Variants in PKM observed in about 807,000 individuals in gnomAD.
PKM encodes pyruvate kinase M1/2.
Under a neutral mutation model 49.8 loss-of-function variants are expected in PKM, and 18 were observed. That is an observed-to-expected ratio of 0.36 (90% CI 0.25 to 0.54). The LOEUF (loss-of-function observed/expected upper bound fraction) is 0.54. Ranked by LOEUF, PKM falls within the 20% of genes least tolerant of loss-of-function variation. PKM has a pLI of 0.89. For missense variants in PKM, 508 were observed against 713.8 expected (o/e 0.71, Z 3.28); for synonymous variants, 239 against 261.8 (o/e 0.91, Z 0.84).
intron 1 of PKM, 73 bp downstream of exon 1, chr15:72,231,043 C>T: frequency 2.0e-6 from 2 of 1,012,986 alleles, no homozygotes; most frequent in Non-Finnish European, 2.7e-6. Context: ...CCGGCCGGCG[C>T]GCCGGGATTC....
At chr15:72,223,825 C>T (rs920094372) in intron 1 of PKM, among the ~76,000 whole-genome samples, 4 of 151,774 alleles carry the variant, frequency 2.6e-5, no homozygotes, top group Admixed American at 2.6e-4. Flanking sequence ...ACTTTAACCC[C>T]AGGAGGCCCC....
chr15:72,230,704 G>C (rs1160218514), intron 1 of PKM, among the ~76,000 whole-genome samples: 3 of 152,144 alleles, frequency 2.0e-5, no homozygotes, highest in Non-Finnish European at 2.9e-5. Flanking sequence ...GGAAGGACCA[G>C]ACTTAAGGAG....
intron 1 of PKM, chr15:72,228,741 T>C (rs896017219): frequency 5.0e-6 from 3 of 599,692 alleles, no homozygotes; most frequent in Non-Finnish European, 8.0e-6. Flanking sequence ...GGGCAAATTA[T>C]TTGCTAACAA....
chr15:72,228,524 G>A (rs1258454395), intron 1 of PKM: 2 of 606,542 alleles, frequency 3.3e-6, no homozygotes, highest in Non-Finnish European at 5.5e-6. Context: ...CACTGAAAGG[G>A]GAGAAGGGAC....
chr15:72,222,113 A>G (rs565155873), intron 1 of PKM, among the ~76,000 whole-genome samples: 1 of 152,330 alleles, frequency 6.6e-6, no homozygotes, highest in Non-Finnish European at 1.5e-5. Context: ...GGCCTCAAAC[A>G]CAAACCCTAT....
chr15:72,208,577 C>A, intron 6 of PKM, 44 bp downstream of exon 6: 1 of 1,610,332 alleles, frequency 6.2e-7, no homozygotes, highest in Non-Finnish European at 8.5e-7. Context: ...CCATGCCCTT[C>A]GGAGAGCTGC....
chr15:72,207,903 C>T (rs2140649190), intron 6 of PKM, among the ~76,000 whole-genome samples: 1 of 152,360 alleles, frequency 6.6e-6, no homozygotes, highest in Non-Finnish European at 1.5e-5. Context: ...GCTCCCCCAC[C>T]CTCCCCAAAC....
intron 5 of PKM, among the ~76,000 whole-genome samples, chr15:72,209,301 A>T (rs1399140172): frequency 1.3e-5 from 2 of 151,112 alleles, no homozygotes; most frequent in Non-Finnish European, 3.0e-5. Context: ...CTCTGGAGGC[A>T]GAGGTTGCAG....
chr15:72,209,138 A>C (rs1445589586), intron 5 of PKM, among the ~76,000 whole-genome samples: 1 of 152,076 alleles, frequency 6.6e-6, no homozygotes, highest in Non-Finnish European at 1.5e-5. Flanking sequence ...AGGCCAAGGC[A>C]GGCAGATCAC....
intron 6 of PKM, among the ~76,000 whole-genome samples, chr15:72,207,771 G>T (rs2082124122): frequency 6.6e-6 from 1 of 152,236 alleles, no homozygotes; most frequent in South Asian, 2.1e-4. Context: ...CTGGCCTAGG[G>T]CCAAGTTCAG....
chr15:72,221,373 CA>C, intron 1 of PKM: 1 of 694,388 alleles, frequency 1.4e-6, no homozygotes. Context: ...ATCCAGGTGA[CA>C]GCTGCTCTAG....
chr15:72,206,397 T>C, intron 8 of PKM: 1 of 348,726 alleles, frequency 2.9e-6, no homozygotes, highest in Non-Finnish European at 5.4e-6. Flanking sequence ...AAGACCTCCT[T>C]TCACTGCAGA....
chr15:72,203,607 G>A (rs2082000185), intron 8 of PKM: 1 of 280,320 alleles, frequency 3.6e-6, no homozygotes, highest in South Asian at 3.7e-5. Context: ...GATTAGGCAG[G>A]CTCCTGCCCA....
At chr15:72,211,712 G>A (rs960567711) in intron 3 of PKM, among the ~76,000 whole-genome samples, 1 of 151,628 alleles carries the variant, frequency 6.6e-6, no homozygotes, top group African/African-American at 2.4e-5. Flanking sequence ...AGCTACTTGT[G>A]AGGCTGAGGT....
chr15:72,226,373 A>C (rs1189135109), intron 1 of PKM, among the ~76,000 whole-genome samples: 1 of 136,850 alleles, frequency 7.3e-6, no homozygotes, highest in African/African-American at 3.7e-5. Flanking sequence ...TAAAAAATAC[A>C]AAAAAAATCA....
Position 72,202,368 on chromosome 15 carries a change from A to G in PKM, c.1307+86T>C. On this transcript the variant is annotated intron_variant, in intron 9 of 10. Transcript: ENST00000335181. This position sits in a 1 kb window ranked among gnomAD's most constrained non-coding sequence, Gnocchi z 4.5. ...TCTTACCTTGGCTCAGTGCCACCTG[A>G]GCATTGTTCAATGGACTGCTCCCAG... The G allele has an allele frequency of 7.3e-7, 1 of 1,371,176 alleles. No homozygotes were observed. Among genetic ancestry groups the G allele is most frequent in the Non-Finnish European group, 1.0e-6 (1 of 983,530 alleles). 84.9% of individuals were successfully genotyped at this position (1,371,176 alleles called of 1,614,324 possible). A position where few individuals can be genotyped will look rare whatever the true frequency, so the allele number is the denominator to read the frequency against.
At chr15:72,227,553 G>C (rs1453323902) in intron 1 of PKM, among the ~76,000 whole-genome samples, 1 of 151,962 alleles carries the variant, frequency 6.6e-6, no homozygotes, top group African/African-American at 2.4e-5. Context: ...AGACCAGCCT[G>C]GCCAACATGG....
intron 1 of PKM, among the ~76,000 whole-genome samples, chr15:72,223,974 C>T (rs185717969): frequency 6.6e-6 from 1 of 151,536 alleles, no homozygotes; most frequent in Non-Finnish European, 1.5e-5. Flanking sequence ...AAGTAAATGA[C>T]TTGTCAACAG....
intron 1 of PKM, among the ~76,000 whole-genome samples, chr15:72,227,744 CAAAAAAAA>C (rs34876633): frequency 1.9e-4 from 2 of 10,796 alleles, no homozygotes; most frequent in African/African-American, 5.9e-4. Flanking sequence ...AAAACTATCT[CAAAAAAAA>C]AAAAAAAAAA....
Sources: allele counts gnomAD v4.1 joint callset (sites outside exome capture counted in the v4.1 genomes callset), GRCh38; gene constraint gnomAD v4.1.1; non-coding constraint Gnocchi (gnomAD v3.1); transcripts MANE v1.5; gene names NCBI Gene and HGNC (gene_info 2026-07-23, HGNC 2026-07-21).